FRAS1: variants seen among roughly 807,000 people sequenced by gnomAD.
The protein encoded by FRAS1 is Fraser extracellular matrix complex subunit 1, also known as extracellular matrix organizing protein FRAS1.
A neutral mutation model predicts 435.2 loss-of-function variants in FRAS1; 290 were observed. The observed-to-expected ratio is 0.67, with a 90% CI of 0.61 to 0.73. FRAS1 has a LOEUF of 0.73. FRAS1 is among the 30% of genes least tolerant of loss of function. The pLI is 0.00. For missense variants in FRAS1, 4,860 were observed against 5,001.5 expected (o/e 0.97, Z 0.85); for synonymous variants, 1,800 against 1,851.0 (o/e 0.97, Z 0.71).
At chr4:78,482,055 CTG>C (rs1204465088) in intron 57 of FRAS1, 91 bp downstream of exon 57, 60 of 1,274,016 alleles carry the variant, frequency 4.7e-5, no homozygotes, top group Non-Finnish European at 6.6e-5. Context: ...CTAAACTCCC[CTG>C]GCGATATTCC....
chr4:78,526,983 C>T (rs1721554888), intron 70 of FRAS1, among the ~76,000 whole-genome samples: 1 of 152,064 alleles, frequency 6.6e-6, no homozygotes, highest in African/African-American at 2.4e-5. Context: ...AGTATAATGC[C>T]AAAGTGTTTT....
intron 29 of FRAS1, among the ~76,000 whole-genome samples, chr4:78,392,789 G>T (rs1182351112): frequency 6.6e-6 from 1 of 151,540 alleles, no homozygotes; most frequent in Non-Finnish European, 1.5e-5. Context: ...TATACATCAT[G>T]TACAGAAAAA....
chr4:78,150,226 T>A (rs1720588289), intron 2 of FRAS1, among the ~76,000 whole-genome samples: 1 of 152,194 alleles, frequency 6.6e-6, no homozygotes, highest in African/African-American at 2.4e-5. Flanking sequence ...AAATGTCAGT[T>A]TTAGCCTGCT....
intron 4 of FRAS1, among the ~76,000 whole-genome samples, chr4:78,248,983 G>C (rs1416353843): frequency 1.4e-5 from 2 of 144,898 alleles, no homozygotes; most frequent in African/African-American, 5.1e-5. Flanking sequence ...ATTTTACAGA[G>C]CTCTCTTTGC....
At chr4:78,141,878 T>C (rs147210096) in intron 2 of FRAS1, among the ~76,000 whole-genome samples, 2,398 of 152,160 alleles carry the variant, frequency 0.016, 55 homozygotes, top group African/African-American at 0.055. Context: ...GTGATGTAAC[T>C]CAGGAATGGA....
At chr4:78,314,898 A>G (rs1366470016) in intron 15 of FRAS1, among the ~76,000 whole-genome samples, 1 of 152,042 alleles carries the variant, frequency 6.6e-6, no homozygotes, top group Non-Finnish European at 1.5e-5. Context: ...TTGTGCCTAT[A>G]TAGATTGATC....
chr4:78,363,413 C>A, intron 20 of FRAS1, 100 bp from the exon 21 acceptor site: 1 of 1,172,814 alleles, frequency 8.5e-7, no homozygotes, highest in Non-Finnish European at 1.2e-6. Context: ...CTGTCAGCTG[C>A]AGTGTTTGTA....
At chr4:78,075,852 T>A (rs1167160752) in intron 2 of FRAS1, among the ~76,000 whole-genome samples, 1 of 152,046 alleles carries the variant, frequency 6.6e-6, no homozygotes. Context: ...ATAGGATCAG[T>A]ATAAGTAAAC....
intron 8 of FRAS1, 96 bp downstream of exon 8, chr4:78,267,031 A>T: frequency 2.0e-6 from 2 of 998,938 alleles, no homozygotes. Flanking sequence ...GGGAATCAAA[A>T]GTTTTATAAT....
intron 2 of FRAS1, among the ~76,000 whole-genome samples, chr4:78,191,954 G>C (rs1239368790): frequency 6.6e-6 from 1 of 152,170 alleles, no homozygotes; most frequent in African/African-American, 2.4e-5. Flanking sequence ...TTGGACATTT[G>C]GGTTGGTTCC....
In FRAS1 at chr4:78,448,090, G is replaced by A. The variant is rs1718908328; in HGVS notation, c.6048G>A (p.Leu2016=). The part of the protein sequence containing the change: ...VLWRQTASEP[L]ENGRVLVQGS... ...GGAGGCAAACTGCTTCTGAGCCTCT[G>A]GAGAATGGGAGAGTTTTAGTCCAGG... The change falls in exon 44 of 74, where the codon CTG becomes CTA. Residue 2016 remains leucine (L), a synonymous_variant. Transcript: ENST00000512123. The A allele has an allele frequency of 1.2e-6, 2 of 1,612,832 alleles. No homozygotes were observed. Among genetic ancestry groups the A allele is most frequent in the East Asian group, 4.5e-5 (2 of 44,864 alleles).
chr4:78,185,764 C>T (rs1722243385), intron 2 of FRAS1, among the ~76,000 whole-genome samples: 1 of 152,186 alleles, frequency 6.6e-6, no homozygotes, highest in Non-Finnish European at 1.5e-5. Context: ...TTGCCTACTT[C>T]TTGAAAATCA....
intron 32 of FRAS1, among the ~76,000 whole-genome samples, chr4:78,415,017 T>C (rs1552293): frequency 0.33 from 50,843 of 151,980 alleles, 8,772 homozygotes; most frequent in Non-Finnish European, 0.38. Context: ...TATCTAGAGA[T>C]CAGGGTTCTC....
Position 78,324,524 on chromosome 4 carries a change from C to G in FRAS1, c.2137+5538C>G, listed in dbSNP as rs1439309903. ...TTTGTAGTTTAGAAAGTCATCACAA[C>G]CAATAATTTTGTTGAAAATCTTGAA... On this transcript the variant is annotated intron_variant, in intron 18 of 73. Transcript: ENST00000512123. Among the ~76,000 whole-genome samples, 3 of 152,090 alleles carry G rather than the reference C, an allele frequency of 2.0e-5. No homozygotes were observed. In the East Asian group the frequency reaches 5.8e-4, roughly 29 times the overall value.
chr4:78,114,049 C>G (rs1200068269), intron 2 of FRAS1, among the ~76,000 whole-genome samples: 10 of 152,156 alleles, frequency 6.6e-5, no homozygotes, highest in Admixed American at 3.3e-4. Flanking sequence ...CTATATATGG[C>G]TAGCCAGTTT....
chr4:78,092,806 C>T (rs1332214945), intron 2 of FRAS1, among the ~76,000 whole-genome samples: 2 of 152,156 alleles, frequency 1.3e-5, no homozygotes, highest in African/African-American at 4.8e-5. Context: ...ACCCCAGATG[C>T]ATCGATAGAG....
At chr4:78,100,825 A>G (rs1182898601) in intron 2 of FRAS1, among the ~76,000 whole-genome samples, 2 of 152,202 alleles carry the variant, frequency 1.3e-5, no homozygotes, top group Non-Finnish European at 2.9e-5. Flanking sequence ...CTATTTTACA[A>G]TCAAGGACTA....
At chr4:78,197,796 C>A (rs901874629) in intron 2 of FRAS1, among the ~76,000 whole-genome samples, 6 of 152,006 alleles carry the variant, frequency 3.9e-5, no homozygotes, top group African/African-American at 1.4e-4. Flanking sequence ...AAAAAATTAG[C>A]TGGGCGTGGT....
At chr4:78,116,336 T>C (rs1236891604) in intron 2 of FRAS1, among the ~76,000 whole-genome samples, 5 of 152,198 alleles carry the variant, frequency 3.3e-5, no homozygotes, top group African/African-American at 9.7e-5. Flanking sequence ...TCTGCAGATG[T>C]CTATTAGGTT....
Sources: allele counts gnomAD v4.1 joint callset (sites outside exome capture counted in the v4.1 genomes callset), GRCh38; gene constraint gnomAD v4.1.1; transcripts MANE v1.5; gene names NCBI Gene and HGNC (gene_info 2026-07-23, HGNC 2026-07-21).